Variants in TLR6 observed in about 807,000 individuals in gnomAD.
TLR6 encodes toll like receptor 6, also known as toll-like receptor 6.
Under a neutral mutation model 16.1 loss-of-function variants are expected in TLR6, and 9 were observed. The observed-to-expected ratio is 0.56, with a 90% CI of 0.34 to 0.98. TLR6 has a LOEUF of 0.98. TLR6 is among the 50% of genes least tolerant of loss of function. The pLI, the probability that TLR6 is intolerant of heterozygous loss-of-function variation, is 0.02. For missense variants in TLR6, 786 were observed against 921.0 expected, an observed-to-expected ratio of 0.85 and a Z score of 1.90; for synonymous variants, 340 against 338.6, an observed-to-expected ratio of 1.00 and a Z score of -0.04.
At chr4:38,839,310 T>TAAA (rs57901685) in intron 1 of TLR6, among the ~76,000 whole-genome samples, 1,654 of 151,744 alleles carry the variant, frequency 0.011, 24 homozygotes, top group African/African-American at 0.034. Flanking sequence ...GATTTTTTTT[T>TAAA]AAAAAAAATT....
At chr4:38,829,305 A>T (rs1160406923) in exon 2 of TLR6, 1 of 1,614,082 alleles carries the variant, frequency 6.2e-7, no homozygotes, top group East Asian at 2.2e-5. Context: ...GACATATCTA[A>T]GACTTTGGTT....
At chr4:38,839,915 G>A (rs1712166493) in intron 1 of TLR6, among the ~76,000 whole-genome samples, 1 of 152,226 alleles carries the variant, frequency 6.6e-6, no homozygotes, top group African/African-American at 2.4e-5. Flanking sequence ...TGCTGAGCTA[G>A]ACTTTCAGCA....
intron 1 of TLR6, among the ~76,000 whole-genome samples, chr4:38,835,306 CA>C (rs1397013408): frequency 6.6e-6 from 1 of 151,828 alleles, no homozygotes; most frequent in Non-Finnish European, 1.5e-5. Context: ...AAACCAAAAG[CA>C]AGCAAGAATA....
chr4:38,848,751 C>T (rs1325007853), intron 1 of TLR6, among the ~76,000 whole-genome samples: 2 of 152,160 alleles, frequency 1.3e-5, no homozygotes, highest in African/African-American at 4.8e-5. Flanking sequence ...AAGAAACAAA[C>T]AAAGCCTCCA....
chr4:38,866,390 G>A, the TLR6 span, among the ~76,000 whole-genome samples: 1 of 151,786 alleles, frequency 6.6e-6, no homozygotes, highest in Non-Finnish European at 1.5e-5. Flanking sequence ...CTACTCAAGA[G>A]GCTGAGGCAG....
chr4:38,846,155 C>T (rs1230892265), intron 1 of TLR6, among the ~76,000 whole-genome samples: 1 of 149,712 alleles, frequency 6.7e-6, no homozygotes, highest in African/African-American at 2.5e-5. Flanking sequence ...AGCATCCCAA[C>T]AAGCAGGCTA....
intron 1 of TLR6, among the ~76,000 whole-genome samples, chr4:38,853,923 C>T (rs1237219926): frequency 6.6e-6 from 1 of 152,052 alleles, no homozygotes; most frequent in East Asian, 1.9e-4. Context: ...CTATATGTGA[C>T]AAAAAGCAGT....
intron 1 of TLR6, among the ~76,000 whole-genome samples, chr4:38,852,135 T>G (rs572976921): frequency 6.6e-6 from 1 of 152,276 alleles, no homozygotes; most frequent in African/African-American, 2.4e-5. Context: ...AGGGAAAGGA[T>G]TCCCTATTTA....
At chr4:38,828,254 A>G (rs757684184) in exon 2 of TLR6, 3 of 1,613,556 alleles carry the variant, frequency 1.9e-6, no homozygotes, top group South Asian at 1.1e-5. Flanking sequence ...AACATCCAGT[A>G]TTTCCAAAGA....
chr4:38,853,113 C>CA (rs572675588), intron 1 of TLR6, among the ~76,000 whole-genome samples: 1,751 of 146,572 alleles, frequency 0.012, 20 homozygotes, highest in African/African-American at 0.034. Flanking sequence ...CCATCATTCT[C>CA]GTAAACTATC....
At chr4:38,846,357 A>T (rs6531674) in intron 1 of TLR6, among the ~76,000 whole-genome samples, 7 of 151,994 alleles carry the variant, frequency 4.6e-5, no homozygotes, top group East Asian at 1.9e-4. Context: ...CAGAAAGAGG[A>T]GAGATTCTTT....
At position 38,828,150 on chromosome 4, in the gene TLR6, CAGTA is replaced by C. The variant is rs1727643547; in HGVS notation, c.1320_1323del (p.Asp442LeufsTer20). ...GGAGGTAAACATCTGAAAACAGAGTCAGTAAGCATATTTGAAGACAAATTTAACA... is the reference window on the plus strand; with the variant it reads ...GGAGGTAAACATCTGAAAACAGAGTCAGCATATTTGAAGACAAATTTAACA... On this transcript the variant is annotated frameshift_variant, in exon 2 of 2. Transcript: ENST00000436693. LOFTEE classifies it low-confidence loss of function (END_TRUNC). 6.2e-7 allele frequency: 1 copy of C among 1,614,196 alleles called. No homozygotes were observed. Among genetic ancestry groups the C allele is most frequent in the South Asian group, 1.1e-5 (1 of 91,072 alleles).
At chr4:38,863,072 T>C in the TLR6 span, among the ~76,000 whole-genome samples, 1 of 152,032 alleles carries the variant, frequency 6.6e-6, no homozygotes, top group Non-Finnish European at 1.5e-5. Flanking sequence ...TGTACTTCAG[T>C]CAGGTTTCCT....
chr4:38,862,930 T>TAA, the TLR6 span, among the ~76,000 whole-genome samples: 1,793 of 83,058 alleles, frequency 0.022, 73 homozygotes, highest in East Asian at 0.071. Flanking sequence ...TTCTCCCATC[T>TAA]AAAAAAAAAA....
chr4:38,841,798 G>A (rs896866022), intron 1 of TLR6, among the ~76,000 whole-genome samples: 4 of 152,116 alleles, frequency 2.6e-5, no homozygotes, highest in Non-Finnish European at 5.9e-5. Context: ...TTGTGAGTAC[G>A]GTTCATCTGT....
chr4:38,845,158 A>G (rs1712466259), intron 1 of TLR6, among the ~76,000 whole-genome samples: 1 of 152,198 alleles, frequency 6.6e-6, no homozygotes, highest in Non-Finnish European at 1.5e-5. Flanking sequence ...ATTTTGAAAA[A>G]TATTAAGTTA....
upstream of TLR6, among the ~76,000 whole-genome samples, chr4:38,857,224 G>C (rs1447571373): frequency 6.6e-6 from 1 of 151,946 alleles, no homozygotes; most frequent in African/African-American, 2.4e-5. Context: ...GGATGAGATA[G>C]TTTAAAATAA....
chr4:38,838,772 T>G (rs1050201109), intron 1 of TLR6, among the ~76,000 whole-genome samples: 2 of 151,950 alleles, frequency 1.3e-5, no homozygotes, highest in African/African-American at 4.8e-5. Context: ...CAAAATGATG[T>G]ATGTTTGAGA....
At chr4:38,841,998 T>A (rs966699610) in intron 1 of TLR6, among the ~76,000 whole-genome samples, 17 of 152,162 alleles carry the variant, frequency 1.1e-4, no homozygotes, top group Admixed American at 3.9e-4. Flanking sequence ...GTTTAAAAAT[T>A]TTTTTTTCAG....
Sources: allele counts gnomAD v4.1 joint callset (sites outside exome capture counted in the v4.1 genomes callset), GRCh38; gene constraint gnomAD v4.1.1; transcripts MANE v1.5; gene names NCBI Gene and HGNC (gene_info 2026-07-23, HGNC 2026-07-21).